Variants in DDX1 observed in about 807,000 individuals in gnomAD.
The protein encoded by DDX1 is ATP-dependent RNA helicase DDX1.
Under a neutral mutation model 108.7 loss-of-function variants are expected in DDX1, and 28 were observed. That is an observed-to-expected ratio of 0.26 (90% CI 0.19 to 0.35). The LOEUF (loss-of-function observed/expected upper bound fraction) is 0.35. Among genes scored for constraint, DDX1 ranks in the 10% least tolerant of loss-of-function variants. The probability of loss-of-function intolerance (pLI) is 1.00; values close to 1 mark genes in which losing one functional copy is unlikely to be tolerated. For synonymous variants in DDX1, 295 were observed against 288.9 expected, an observed-to-expected ratio of 1.02 and a Z score of -0.21; for missense variants, 710 against 884.5, an observed-to-expected ratio of 0.80 and a Z score of 2.50.
Position 15,607,165 on chromosome 2 carries a change from A to C in DDX1, c.818-10A>C. The C allele has an allele frequency of 6.2e-7, 1 of 1,611,996 alleles. No homozygotes were observed. Among genetic ancestry groups the C allele is most frequent in the Non-Finnish European group, 8.5e-7 (1 of 1,179,076 alleles). ...CTTTGAATGTGTTCTCATCTTTTTT[A>C]TTCCCTAAGGTAATGCACAGGTGAC... On this transcript the variant is annotated splice_polypyrimidine_tract_variant and intron_variant, in intron 12 of 25. Coordinates refer to ENST00000233084, the MANE Select transcript of DDX1 (RefSeq NM_004939.3).
At chr2:15,612,329 G>T (rs1558455653) in intron 13 of DDX1, among the ~76,000 whole-genome samples, 1 of 151,754 alleles carries the variant, frequency 6.6e-6, no homozygotes, top group Non-Finnish European at 1.5e-5. Context: ...ATCCCAGACG[G>T]GGCGGCGGGG....
chr2:15,621,208 A>G, intron 18 of DDX1, 92 bp downstream of exon 18: 1 of 847,876 alleles, frequency 1.2e-6, no homozygotes, highest in Non-Finnish European at 1.9e-6. Context: ...GACCTGCAAA[A>G]TTAAAACAGG....
chr2:15,616,424 C>G (rs949309088), intron 14 of DDX1, among the ~76,000 whole-genome samples: 3 of 152,168 alleles, frequency 2.0e-5, no homozygotes, highest in African/African-American at 7.2e-5. Flanking sequence ...GAACTTTACT[C>G]TGAAACCTGT....
chr2:15,592,352 G>A (rs973352425), intron 1 of DDX1, among the ~76,000 whole-genome samples: 1 of 152,216 alleles, frequency 6.6e-6, no homozygotes, highest in Non-Finnish European at 1.5e-5. Flanking sequence ...GCTTGGCCAG[G>A]CAGAGAGGCG....
intron 14 of DDX1, among the ~76,000 whole-genome samples, chr2:15,613,539 C>T (rs1665838382): frequency 6.6e-6 from 1 of 152,156 alleles, no homozygotes; most frequent in Non-Finnish European, 1.5e-5. Context: ...TGAGAATTTC[C>T]TTCTGGCCTT....
At chr2:15,600,374 A>G (rs974613131) in intron 6 of DDX1, among the ~76,000 whole-genome samples, 1 of 152,198 alleles carries the variant, frequency 6.6e-6, no homozygotes, top group Non-Finnish European at 1.5e-5. Context: ...AACTAAGGAT[A>G]CTTTCCTAAA....
chr2:15,601,424 T>C (rs1665587700), intron 6 of DDX1, among the ~76,000 whole-genome samples: 1 of 152,254 alleles, frequency 6.6e-6, no homozygotes, highest in South Asian at 2.1e-4. Context: ...TTGTGGCTTA[T>C]GCTTCTAACC....
chr2:15,630,028 T>G lies in DDX1; in HGVS notation c.2010T>G (p.Ile670Met). The change falls in exon 25 of 26, where the codon ATT becomes ATG. Residue 670 changes from isoleucine (I) to methionine (M), a missense_variant. Ile to Met is a conservative substitution (Grantham distance 10). Transcript: ENST00000233084. ...SEIEEHLNCTISQVEPDIKVP... is the reference protein window; with the variant it reads ...SEIEEHLNCTMSQVEPDIKVP... ...TAGAAGAACACCTGAACTGTACCAT[T>G]TCTCAGGTTGAGCCGGATATAAAGG... is the stretch of plus-strand genomic sequence containing the variant. The G allele has an allele frequency of 6.2e-7, 1 of 1,613,094 alleles. No homozygotes were observed. The highest frequency in any genetic ancestry group is 1.7e-5 in the Admixed American group (1 of 59,984).
chr2:15,617,279 T>C lies in DDX1; in HGVS notation c.1053T>C (p.Asp351=), dbSNP rs1248892716. ...TTGTAGGTACTCCGGGAAGACTAGA[T>C]GACTTGGTGTCAACTGGAAAGCTGA... ...DIVVGTPGRL[D]DLVSTGKLNL... is the part of the protein sequence containing the mutation. The change falls in exon 15 of 26, where the codon GAT becomes GAC. Residue 351 remains aspartate, a synonymous_variant. Transcript: ENST00000233084. 6.3e-7 allele frequency: 1 copy of C among 1,594,534 alleles called. No homozygotes were observed.
chr2:15,625,705 G>C (rs996874084), intron 19 of DDX1, among the ~76,000 whole-genome samples: 2 of 152,004 alleles, frequency 1.3e-5, no homozygotes, highest in Non-Finnish European at 2.9e-5. Context: ...AATATAAAAA[G>C]TAAAAATTGG....
At chr2:15,596,592 A>G in intron 3 of DDX1, 142 bp from the exon 4 acceptor site, 2 of 661,692 alleles carry the variant, frequency 3.0e-6, no homozygotes, top group Non-Finnish European at 5.3e-6. Context: ...TGGAGTTGAC[A>G]GAGGAACCCT....
rs148117214 is a variant in DDX1, at chr2:15,627,057, C to G, written c.1598C>G (p.Pro533Arg). ...TGCTTAATGTGCTTTTCACTAGGAC[C>G]TGATAAAAAAGGACACCAGTTCTCA... ...EQYFIQQGGG[P>R]DKKGHQFSCV... Residue 533 changes from proline (P) to arginine (R), a missense_variant, in exon 20 of 26, where the codon CCT (proline) becomes CGT (arginine). Pro to Arg is a moderately radical substitution (Grantham distance 103). Transcript: ENST00000233084. 1.2e-6 allele frequency: 2 copies of G among 1,604,270 alleles called. No individual in the cohort carries two copies. Among genetic ancestry groups the G allele is most frequent in the African/African-American group, 2.7e-5 (2 of 74,434 alleles).
intron 5 of DDX1, chr2:15,599,306 T>C (rs1665549470): frequency 6.6e-6 from 1 of 152,332 alleles, no homozygotes. Context: ...TTTATTTATT[T>C]ATTTATTTAT....
chr2:15,629,811 C>A, intron 24 of DDX1, 114 bp downstream of exon 24: 1 of 1,033,796 alleles, frequency 9.7e-7, no homozygotes, highest in Non-Finnish European at 1.4e-6. Context: ...AAGGGAAAGT[C>A]GTAGTTGGTT....
chr2:15,621,680 TCTCA>T (rs1666011468), intron 18 of DDX1, among the ~76,000 whole-genome samples: 1 of 151,466 alleles, frequency 6.6e-6, no homozygotes, highest in South Asian at 2.1e-4. Flanking sequence ...TGAGACACGG[TCTCA>T]CTCTGTCACC....
rs572222851 is a variant in DDX1, at chr2:15,602,839, G to A, written c.391+208G>A. On this transcript the variant is annotated intron_variant, in intron 7 of 25. Coordinates refer to ENST00000233084, the MANE Select transcript of DDX1 (RefSeq NM_004939.3). ...AGCAATTCTCCTACCGCAGCTTCCC[G>A]AGTAGCTGGGATTACAGGCGCCCAC... Among the ~76,000 whole-genome samples the A allele has an allele frequency of 4.6e-5, 7 of 152,180 alleles. No homozygotes were observed. The East Asian group carries it at 5.8e-4, about 13-fold the overall frequency.
chr2:15,617,116 T>C, intron 14 of DDX1, 128 bp from the exon 15 acceptor site: 1 of 415,108 alleles, frequency 2.4e-6, no homozygotes. Context: ...TTTTTTTTTA[T>C]AAATTTAGAG....
intron 13 of DDX1, among the ~76,000 whole-genome samples, chr2:15,609,863 G>A (rs1375227136): frequency 2.0e-5 from 3 of 152,192 alleles, no homozygotes; most frequent in African/African-American, 7.2e-5. Context: ...AGAATTTCCA[G>A]AGAATAGGAA....
chr2:15,605,204 C>G (rs185516020), intron 10 of DDX1, among the ~76,000 whole-genome samples: 1 of 152,056 alleles, frequency 6.6e-6, no homozygotes, highest in Admixed American at 6.6e-5. Flanking sequence ...TTGTTGAAGA[C>G]ACATTGGAGG....
Sources: gnomAD v4.1 joint callset for allele counts (sites outside exome capture counted in the v4.1 genomes callset) on GRCh38, gnomAD v4.1.1 for gene constraint, MANE v1.5 for transcripts, NCBI Gene and HGNC (gene_info 2026-07-23, HGNC 2026-07-21) for gene names.